The following CACNB2 variants were observed in gnomAD, a reference collection of about 807,000 sequenced individuals.
CACNB2 encodes voltage-dependent L-type calcium channel subunit beta-2.
A neutral mutation model predicts 73.3 loss-of-function variants in CACNB2; 42 were observed. The ratio of observed to expected loss-of-function variants is 0.57; its 90% CI spans 0.45 to 0.74. CACNB2 has a LOEUF of 0.74. Ranked by LOEUF, CACNB2 falls within the 30% of genes least tolerant of loss-of-function variation. The probability of loss-of-function intolerance (pLI) is 0.00; values close to 1 mark genes in which losing one functional copy is unlikely to be tolerated. For missense variants in CACNB2, 940 were observed against 853.0 expected (o/e 1.10, Z -1.27); for synonymous variants, 348 against 310.3 (o/e 1.12, Z -1.28).
chr10:18,534,268 C>G (rs1481799419), intron 11 of CACNB2, 41 bp downstream of exon 11: 2 of 1,531,584 alleles, frequency 1.3e-6, no homozygotes, highest in Admixed American at 3.3e-5. Flanking sequence ...ATCAAACTTT[C>G]CTAAAATGTA....
chr10:18,207,172 C>G (rs930252666), intron 2 of CACNB2, among the ~76,000 whole-genome samples: 1 of 152,130 alleles, frequency 6.6e-6, no homozygotes, highest in African/African-American at 2.4e-5. Context: ...CCACACCTGA[C>G]TAATTTTTGT....
intron 2 of CACNB2, among the ~76,000 whole-genome samples, chr10:18,363,236 A>T (rs2132233124): frequency 6.6e-6 from 1 of 152,304 alleles, no homozygotes; most frequent in African/African-American, 2.4e-5. Flanking sequence ...TTACAAGATC[A>T]ATTTCAAAAG....
At chr10:18,407,107 G>GTTTTTTTTT (rs1293331753) in intron 3 of CACNB2, among the ~76,000 whole-genome samples, 4 of 49,558 alleles carry the variant, frequency 8.1e-5, no homozygotes, top group African/African-American at 1.5e-4. Flanking sequence ...CTGCTGTTCT[G>GTTTTTTTTT]TCTTTTTTTT....
chr10:18,520,545 G>C (rs2051759071), intron 9 of CACNB2, among the ~76,000 whole-genome samples: 1 of 152,146 alleles, frequency 6.6e-6, no homozygotes, highest in Non-Finnish European at 1.5e-5. Flanking sequence ...TAAGATGTGA[G>C]CTAGTGCCCA....
intron 2 of CACNB2, chr10:18,400,474 A>T: frequency 1.8e-6 from 1 of 557,256 alleles, no homozygotes; most frequent in Non-Finnish European, 2.3e-6. Context: ...AATTTGACAT[A>T]GACTAACAGT....
intron 3 of CACNB2, among the ~76,000 whole-genome samples, chr10:18,486,314 A>G (rs1172749538): frequency 6.6e-6 from 1 of 152,170 alleles, no homozygotes; most frequent in Non-Finnish European, 1.5e-5. Flanking sequence ...GTTTAGGGAG[A>G]AAGCTAGAAC....
intron 2 of CACNB2, chr10:18,340,701 T>C: frequency 7.0e-7 from 1 of 1,427,524 alleles, no homozygotes; most frequent in Non-Finnish European, 9.1e-7. Context: ...GATGAGCTCC[T>C]CTGCTCTGCC....
At chr10:18,401,529 T>C (rs1385251547) in intron 2 of CACNB2, among the ~76,000 whole-genome samples, 1 of 152,208 alleles carries the variant, frequency 6.6e-6, no homozygotes, top group Non-Finnish European at 1.5e-5. Context: ...TTTCATGTTT[T>C]TGTTAAGCTT....
intron 2 of CACNB2, among the ~76,000 whole-genome samples, chr10:18,302,773 G>A (rs1046688082): frequency 1.3e-5 from 2 of 152,046 alleles, no homozygotes; most frequent in African/African-American, 2.4e-5. Context: ...CAGGTGATGC[G>A]TGCACCAAAA....
intron 2 of CACNB2, among the ~76,000 whole-genome samples, chr10:18,241,065 G>A (rs1383666012): frequency 6.6e-6 from 1 of 152,192 alleles, no homozygotes; most frequent in Non-Finnish European, 1.5e-5. Flanking sequence ...TGGAAAGGCT[G>A]ATCAGAAACT....
chr10:18,147,914 T>A (rs1031647606), intron 1 of CACNB2, among the ~76,000 whole-genome samples: 1 of 152,122 alleles, frequency 6.6e-6, no homozygotes. Context: ...TAAATACACA[T>A]TAGATTAAAA....
At chr10:18,155,504 T>C (rs2031971195) in intron 2 of CACNB2, among the ~76,000 whole-genome samples, 1 of 152,234 alleles carries the variant, frequency 6.6e-6, no homozygotes, top group African/African-American at 2.4e-5. Flanking sequence ...GGAACTGAGA[T>C]TGATGTTCCT....
rs143915127 is a variant in CACNB2, at chr10:18,498,556, G to T, written c.456+79G>T. Reference sequence around the variant, plus strand: ...ATTTCTTATTTCCTATTCATATGCCGTTTCTGTGAAGTAGCATTGCACATC... The same window carrying T: ...ATTTCTTATTTCCTATTCATATGCCTTTTCTGTGAAGTAGCATTGCACATC... On this transcript the variant is annotated intron_variant, in intron 4 of 13. Transcript: ENST00000324631. 3.4e-5 allele frequency: 49 copies of T among 1,460,560 alleles called. 1 individual carries two copies. Among genetic ancestry groups the T allele is most frequent in the Non-Finnish European group, 4.5e-5 (47 of 1,047,570 alleles). The allele number at this position is 1,460,560 out of a possible 1,614,324, so 90.5% of individuals were successfully genotyped here.
intron 3 of CACNB2, among the ~76,000 whole-genome samples, chr10:18,418,089 T>G (rs1240178681): frequency 3.3e-5 from 5 of 152,126 alleles, no homozygotes; most frequent in Non-Finnish European, 7.4e-5. Context: ...TATTTGTTTG[T>G]TTTTGAGATG....
Position 18,528,037 on chromosome 10 carries a change from C to T in CACNB2, c.1054+340C>T, listed in dbSNP as rs11816305. Among the ~76,000 whole-genome samples, 820 of 152,250 alleles carry T rather than the reference C, an allele frequency of 5.4e-3. 7 individuals carry two copies. The highest frequency in any genetic ancestry group is 0.018 in the African/African-American group (765 of 41,504). ...TAACCTTTTGAAGCCTCCATTTCCT[C>T]ATCCTAAAAAAGAAATAAAATAACT... On this transcript the variant is annotated intron_variant, in intron 10 of 13. Coordinates refer to ENST00000324631, the MANE Select transcript of CACNB2 (RefSeq NM_201596.3).
chr10:18,483,100 T>G (rs543672942), intron 3 of CACNB2, among the ~76,000 whole-genome samples: 1 of 152,260 alleles, frequency 6.6e-6, no homozygotes, highest in South Asian at 2.1e-4. Flanking sequence ...TTTAAGAGTT[T>G]CTAGAGAGTG....
At chr10:18,465,308 C>A (rs527463124) in intron 3 of CACNB2, among the ~76,000 whole-genome samples, 1 of 152,008 alleles carries the variant, frequency 6.6e-6, no homozygotes, top group African/African-American at 2.4e-5. Flanking sequence ...CCAGCCTGGG[C>A]GACAAAGCAA....
At chr10:18,227,577 G>C (rs2036043818) in intron 2 of CACNB2, among the ~76,000 whole-genome samples, 1 of 152,192 alleles carries the variant, frequency 6.6e-6, no homozygotes, top group Admixed American at 6.5e-5. Flanking sequence ...ACAGTTTGTT[G>C]GAACTGGGTG....
intron 2 of CACNB2, among the ~76,000 whole-genome samples, chr10:18,392,113 A>G (rs1358461777): frequency 6.6e-6 from 1 of 152,054 alleles, no homozygotes; most frequent in Non-Finnish European, 1.5e-5. Context: ...AAGGGTAGAA[A>G]TCTAGGGGAG....
Sources: gnomAD v4.1 joint callset for allele counts (sites outside exome capture counted in the v4.1 genomes callset) on GRCh38, gnomAD v4.1.1 for gene constraint, MANE v1.5 for transcripts, NCBI Gene and HGNC (gene_info 2026-07-23, HGNC 2026-07-21) for gene names.